The following STAU2 variants were observed in gnomAD, a reference collection of about 807,000 sequenced individuals.
STAU2 encodes staufen double-stranded RNA binding protein 2, also known as double-stranded RNA-binding protein Staufen homolog 2.
A neutral mutation model predicts 65.9 loss-of-function variants in STAU2; 20 were observed. The observed-to-expected ratio is 0.30, with a 90% CI of 0.21 to 0.44. STAU2 has a LOEUF of 0.44. Among genes scored for constraint, STAU2 ranks in the 20% least tolerant of loss-of-function variants. STAU2 has a pLI of 1.00. For synonymous variants in STAU2, 232 were observed against 233.9 expected (o/e 0.99, Z 0.07); for missense variants, 558 against 683.9 (o/e 0.82, Z 2.05).
chr8:73,462,514 G>A (rs1188367626), intron 13 of STAU2, among the ~76,000 whole-genome samples: 1 of 151,894 alleles, frequency 6.6e-6, no homozygotes, highest in Non-Finnish European at 1.5e-5. Flanking sequence ...TCCCACCTCA[G>A]CCCTCCAAGT....
At chr8:73,743,126 A>G (rs1231923450) in intron 1 of STAU2, among the ~76,000 whole-genome samples, 9 of 152,156 alleles carry the variant, frequency 5.9e-5, no homozygotes, top group Admixed American at 5.9e-4. Flanking sequence ...TTGATTTTTC[A>G]AAGTGGGTAC....
At chr8:73,595,684 G>T (rs1475479040) in intron 10 of STAU2, among the ~76,000 whole-genome samples, 1 of 151,940 alleles carries the variant, frequency 6.6e-6, no homozygotes, top group Non-Finnish European at 1.5e-5. Flanking sequence ...AAACTGAAAA[G>T]GCTAAAATTC....
chr8:73,573,581 C>T (rs138845710), intron 12 of STAU2, among the ~76,000 whole-genome samples: 28,008 of 152,036 alleles, frequency 0.18, 2,769 homozygotes, highest in African/African-American at 0.24. Flanking sequence ...CAGAACAGAG[C>T]CCTCAGAAAT....
At chr8:73,457,004 C>T (rs1381021010) in intron 13 of STAU2, among the ~76,000 whole-genome samples, 1 of 152,184 alleles carries the variant, frequency 6.6e-6, no homozygotes, top group Non-Finnish European at 1.5e-5. Flanking sequence ...TCTTTTAGCC[C>T]TGACATCTTT....
At position 73,531,241 on chromosome 8, in the gene STAU2, T is replaced by TG. The variant is rs1257948126; in HGVS notation, c.1530+20770dup. 2.0e-5 allele frequency among the ~76,000 whole-genome samples: 3 copies of TG among 149,910 alleles called. No individual in the cohort carries two copies. In the South Asian group the frequency reaches 6.4e-4, roughly 32 times the overall value. On this transcript the variant is annotated intron_variant, in intron 13 of 14. Coordinates refer to ENST00000524300, the MANE Select transcript of STAU2 (RefSeq NM_001164380.2). ...GGCTTGCAATGGAAGGGTATGAACT[T>TG]GGAGTTCTACACTGATGCATTAGAT...
upstream of STAU2, chr8:73,747,212 A>C: frequency 2.8e-6 from 2 of 705,532 alleles, no homozygotes; most frequent in Non-Finnish European, 4.4e-6. Flanking sequence ...CTGCGCAAGG[A>C]GCGCGCCCGG....
chr8:73,512,921 G>A (rs911198159), intron 13 of STAU2, among the ~76,000 whole-genome samples: 8 of 152,058 alleles, frequency 5.3e-5, no homozygotes, highest in Non-Finnish European at 1.0e-4. Context: ...AACCATTGTT[G>A]TTATACTTTC....
chr8:73,455,169 G>C (rs1323164569), intron 13 of STAU2, among the ~76,000 whole-genome samples: 3 of 152,120 alleles, frequency 2.0e-5, no homozygotes, highest in African/African-American at 7.2e-5. Context: ...ATACAAAGGT[G>C]CAGGTCACAA....
intron 12 of STAU2, among the ~76,000 whole-genome samples, chr8:73,578,992 C>A (rs984563196): frequency 6.6e-6 from 1 of 151,466 alleles, no homozygotes; most frequent in Non-Finnish European, 1.5e-5. Flanking sequence ...TACCCACCCC[C>A]CCAAAAAAAC....
chr8:73,512,931 C>T (rs910682942), intron 13 of STAU2, among the ~76,000 whole-genome samples: 10 of 152,036 alleles, frequency 6.6e-5, no homozygotes, highest in African/African-American at 1.9e-4. Flanking sequence ...GTTATACTTT[C>T]GTTTAATCCT....
chr8:73,519,228 C>T (rs923292491), intron 13 of STAU2, among the ~76,000 whole-genome samples: 1 of 152,144 alleles, frequency 6.6e-6, no homozygotes. Context: ...GGACCCACTG[C>T]AGTGACCCCT....
chr8:73,492,316 G>A (rs143170366), intron 13 of STAU2, among the ~76,000 whole-genome samples: 61 of 151,902 alleles, frequency 4.0e-4, no homozygotes, highest in African/African-American at 1.4e-3. Context: ...CCTAAGTACA[G>A]AGTTCAGTGA....
chr8:73,654,376 G>C (rs1352525871), intron 6 of STAU2, among the ~76,000 whole-genome samples: 1 of 151,744 alleles, frequency 6.6e-6, no homozygotes, highest in Non-Finnish European at 1.5e-5. Flanking sequence ...AACTGTCCAG[G>C]CACACTGGCT....
At chr8:73,651,007 C>T (rs1815824750) in intron 6 of STAU2, among the ~76,000 whole-genome samples, 1 of 152,200 alleles carries the variant, frequency 6.6e-6, no homozygotes, top group African/African-American at 2.4e-5. Context: ...CCAGCCCTGC[C>T]CGGCCATGCG....
chr8:73,686,441 T>C (rs1486027309), intron 5 of STAU2, among the ~76,000 whole-genome samples: 1 of 151,942 alleles, frequency 6.6e-6, no homozygotes, highest in Non-Finnish European at 1.5e-5. Flanking sequence ...TCCCAGCTAC[T>C]TGGGAGGCTG....
At chr8:73,502,061 A>G (rs1301553410) in intron 13 of STAU2, among the ~76,000 whole-genome samples, 1 of 151,974 alleles carries the variant, frequency 6.6e-6, no homozygotes, top group Non-Finnish European at 1.5e-5. Flanking sequence ...AATTTGTGGA[A>G]AACATTTTCT....
chr8:73,607,895 T>C (rs1004416764), intron 9 of STAU2, among the ~76,000 whole-genome samples: 1 of 152,170 alleles, frequency 6.6e-6, no homozygotes, highest in Admixed American at 6.5e-5. Flanking sequence ...CTACTATCTG[T>C]AGAGACATGG....
intron 12 of STAU2, among the ~76,000 whole-genome samples, chr8:73,563,084 C>T (rs1808349513): frequency 6.6e-6 from 1 of 152,024 alleles, no homozygotes; most frequent in African/African-American, 2.4e-5. Flanking sequence ...CAAAACACAC[C>T]TTAGTCCAGC....
intron 5 of STAU2, among the ~76,000 whole-genome samples, chr8:73,684,853 T>C (rs987362568): frequency 2.0e-5 from 3 of 152,176 alleles, no homozygotes; most frequent in African/African-American, 7.2e-5. Flanking sequence ...GAAAAAATGT[T>C]CAACATCATG....
Sources: gnomAD v4.1 joint callset for allele counts (sites outside exome capture counted in the v4.1 genomes callset) on GRCh38, gnomAD v4.1.1 for gene constraint, MANE v1.5 for transcripts, NCBI Gene and HGNC (gene_info 2026-07-23, HGNC 2026-07-21) for gene names.